The following GLCCI1 variants were observed in gnomAD, a reference collection of about 807,000 sequenced individuals.
GLCCI1 encodes glucocorticoid-induced transcript 1 protein.
Under a neutral mutation model 52.2 loss-of-function variants are expected in GLCCI1, and 24 were observed. That is an observed-to-expected ratio of 0.46 (90% CI 0.33 to 0.65). The LOEUF (loss-of-function observed/expected upper bound fraction) is 0.65, where lower values mean the gene tolerates loss of function less well. Among genes scored for constraint, GLCCI1 ranks in the 30% least tolerant of loss-of-function variants. GLCCI1 has a pLI of 0.02. For synonymous variants in GLCCI1, 310 were observed against 276.5 expected, an observed-to-expected ratio of 1.12 and a Z score of -1.20; for missense variants, 704 against 701.5, an observed-to-expected ratio of 1.00 and a Z score of -0.04.
chr7:8,060,264 A>G lies in GLCCI1; in HGVS notation c.966+16A>G. On this transcript the variant is annotated intron_variant, in intron 5 of 7. Transcript: ENST00000223145. ...AGTATCCAAGGTAAGGTTACATGGG[A>G]TATTTGAATCCTTTTTTTCTCTGAT... 6.3e-7 allele frequency: 1 copy of G among 1,593,352 alleles called. No homozygotes were observed. Among genetic ancestry groups the G allele is most frequent in the Non-Finnish European group, 8.6e-7 (1 of 1,166,018 alleles).
chr7:7,993,299 C>A (rs1172726442), intron 1 of GLCCI1, among the ~76,000 whole-genome samples: 2 of 152,130 alleles, frequency 1.3e-5, no homozygotes, highest in Admixed American at 1.3e-4. Flanking sequence ...TAAAAAAATT[C>A]TCGATTCTGC....
intron 1 of GLCCI1, among the ~76,000 whole-genome samples, chr7:7,977,613 C>T (rs1383233082): frequency 6.6e-6 from 1 of 152,146 alleles, no homozygotes; most frequent in African/African-American, 2.4e-5. Flanking sequence ...AACTCTGCAT[C>T]TTATCTTCTG....
At chr7:8,026,373 A>G (rs909768608) in intron 3 of GLCCI1, among the ~76,000 whole-genome samples, 1 of 152,216 alleles carries the variant, frequency 6.6e-6, no homozygotes, top group Non-Finnish European at 1.5e-5. Context: ...ACACAAAAAT[A>G]GAAGCCTACA....
chr7:7,971,023 T>G (rs980809566), intron 1 of GLCCI1, among the ~76,000 whole-genome samples: 1 of 152,238 alleles, frequency 6.6e-6, no homozygotes, highest in Non-Finnish European at 1.5e-5. Context: ...TCTTGGTGTT[T>G]TTGTTTTAAT....
chr7:7,991,516 A>G (rs1174003700), intron 1 of GLCCI1, among the ~76,000 whole-genome samples: 5 of 152,104 alleles, frequency 3.3e-5, no homozygotes, highest in Non-Finnish European at 7.4e-5. Context: ...TAGAGATTCC[A>G]TAATATTAAT....
Position 7,969,380 on chromosome 7 carries a change from C to T in GLCCI1, c.30C>T (p.Ser10=). 6.8e-7 allele frequency: 1 copy of T among 1,478,548 alleles called. No individual in the cohort carries two copies. The highest frequency in any genetic ancestry group is 1.2e-5 in the South Asian group (1 of 80,826). 91.6% of individuals were successfully genotyped at this position (1,478,548 alleles called of 1,614,324 possible). Residue 10 remains serine, a synonymous_variant, in exon 1 of 8, where the codon TCC becomes TCT. Transcript: ENST00000223145. The surrounding 1 kb of genome is among the most constrained non-coding windows in gnomAD (Gnocchi z 4.9). ...CCACTGCCTCCTCCTCCTCCTCCTCCAGTTCCTCTCAGACCCCTCATCCCC... is the reference window on the plus strand; with the variant it reads ...CCACTGCCTCCTCCTCCTCCTCCTCTAGTTCCTCTCAGACCCCTCATCCCC... The part of the protein sequence containing the change: MSTASSSSS[S]SSSQTPHPPS...
chr7:8,060,099 A>C lies in GLCCI1; in HGVS notation c.817A>C (p.Thr273Pro). ...CCACCTTTATCTTATCTCATAGGCT[A>C]CTGGATCAAGGTCAGTTCCTATGCC... ...NHITISHTQA[T>P]GSRSVPMPLS... Residue 273 changes from threonine to proline, a missense_variant, in exon 5 of 8, where the codon ACT becomes CCT. This residue lies in a region of GLCCI1 where 547 missense variants were observed against 524.8 expected (regional missense o/e 1.04). Coordinates refer to ENST00000223145, the MANE Select transcript of GLCCI1 (RefSeq NM_138426.4). 6.2e-7 allele frequency: 1 copy of C among 1,610,768 alleles called. No individual in the cohort carries two copies. The highest frequency in any genetic ancestry group is 1.7e-5 in the Admixed American group (1 of 59,366).
chr7:8,022,614 T>A, intron 3 of GLCCI1, 45 bp downstream of exon 3: 1 of 1,177,118 alleles, frequency 8.5e-7, no homozygotes, highest in Non-Finnish European at 1.2e-6. Context: ...TTGGTCCTAG[T>A]AGATTACCTT....
At chr7:7,992,318 G>T (rs1780858391) in intron 1 of GLCCI1, among the ~76,000 whole-genome samples, 1 of 151,862 alleles carries the variant, frequency 6.6e-6, no homozygotes, top group African/African-American at 2.4e-5. Context: ...ACATACTGCT[G>T]CTCTCTTCTC....
chr7:7,997,205 C>CT (rs954989406), intron 1 of GLCCI1, among the ~76,000 whole-genome samples: 15 of 150,890 alleles, frequency 9.9e-5, no homozygotes, highest in African/African-American at 2.9e-4. Flanking sequence ...ATTTTGTTAC[C>CT]TTTTTTTTTA....
intron 2 of GLCCI1, among the ~76,000 whole-genome samples, chr7:8,014,134 CG>C (rs1562428249): frequency 6.6e-6 from 1 of 151,958 alleles, no homozygotes; most frequent in African/African-American, 2.4e-5. Flanking sequence ...GAATTACAGG[CG>C]CCCGCCACCA....
At position 7,985,331 on chromosome 7, in the gene GLCCI1, A is replaced by G. The variant is rs192082556; in HGVS notation, c.457+15524A>G. Among the ~76,000 whole-genome samples, 146 of 152,294 alleles carry G rather than the reference A, an allele frequency of 9.6e-4. 1 individual carries two copies. The highest frequency in any genetic ancestry group is 1.7e-3 in the Non-Finnish European group (115 of 68,010). On this transcript the variant is annotated intron_variant, in intron 1 of 7. Coordinates refer to ENST00000223145, the MANE Select transcript of GLCCI1 (RefSeq NM_138426.4). ...TAAAGTTCACATTCCTTTTTCAGCAATCACTGGATAATCCCTGGCTCCTGA... is the reference window on the plus strand; with the variant it reads ...TAAAGTTCACATTCCTTTTTCAGCAGTCACTGGATAATCCCTGGCTCCTGA...
chr7:8,021,623 G>A (rs1475303786), intron 2 of GLCCI1, among the ~76,000 whole-genome samples: 10 of 151,998 alleles, frequency 6.6e-5, no homozygotes, highest in Admixed American at 1.3e-4. Flanking sequence ...GGCTGGTCTC[G>A]GACTCCTGAC....
intron 5 of GLCCI1, chr7:8,070,313 T>A (rs1158102463): frequency 6.6e-6 from 1 of 152,258 alleles, no homozygotes; most frequent in Non-Finnish European, 1.5e-5. Context: ...TTAGTAGAAT[T>A]TGATATCCAA....
chr7:8,004,330 A>G (rs1562424049), intron 2 of GLCCI1: 1 of 253,068 alleles, frequency 4.0e-6, no homozygotes, highest in Non-Finnish European at 7.4e-6. Flanking sequence ...TTGCTTTCCA[A>G]TACAAATTAA....
chr7:8,014,985 C>A (rs1488561208), intron 2 of GLCCI1, among the ~76,000 whole-genome samples: 1 of 152,172 alleles, frequency 6.6e-6, no homozygotes, highest in African/African-American at 2.4e-5. Context: ...CATTAGACTT[C>A]AGTCTATGGA....
At chr7:7,983,211 C>CAGAGA (rs4034736) in intron 1 of GLCCI1, among the ~76,000 whole-genome samples, 63,613 of 151,228 alleles carry the variant, frequency 0.42, 13,589 homozygotes, top group Middle Eastern at 0.5. Flanking sequence ...CTGACTATAA[C>CAGAGA]CATGTAAGAA....
At chr7:7,981,340 T>C (rs1168222112) in intron 1 of GLCCI1, 23 of 246,106 alleles carry the variant, frequency 9.3e-5, no homozygotes, top group Non-Finnish European at 1.6e-4. Context: ...CTTTTTTTGT[T>C]GAGATGGAGT....
intron 1 of GLCCI1, among the ~76,000 whole-genome samples, chr7:7,971,090 G>A (rs945971743): frequency 6.6e-6 from 1 of 152,196 alleles, no homozygotes; most frequent in Non-Finnish European, 1.5e-5. Flanking sequence ...CCACTTGATG[G>A]TGAACCAGTG....
Sources: allele counts gnomAD v4.1 joint callset (sites outside exome capture counted in the v4.1 genomes callset), GRCh38; gene constraint gnomAD v4.1.1; regional missense constraint gnomAD v4.1.1; non-coding constraint Gnocchi (gnomAD v3.1); transcripts MANE v1.5; gene names NCBI Gene and HGNC (gene_info 2026-07-23, HGNC 2026-07-21).